Variants in CDH9 observed in about 807,000 individuals in gnomAD.
The protein encoded by CDH9 is cadherin-9.
A neutral mutation model predicts 70.9 loss-of-function variants in CDH9; 28 were observed. The ratio of observed to expected loss-of-function variants is 0.40; its 90% CI spans 0.29 to 0.54. The LOEUF is 0.54. CDH9 is among the 20% of genes least tolerant of loss of function. The pLI is 0.59. For synonymous variants in CDH9, 409 were observed against 343.1 expected (o/e 1.19, Z -2.12); for missense variants, 874 against 984.4 (o/e 0.89, Z 1.50).
chr5:27,037,621 G>A (rs545168138), intron 1 of CDH9, among the ~76,000 whole-genome samples: 1 of 151,870 alleles, frequency 6.6e-6, no homozygotes, highest in Non-Finnish European at 1.5e-5. Context: ...GATGTGAATG[G>A]TGATCTTGAG....
chr5:26,898,116 G>A (rs1740784618), intron 7 of CDH9, among the ~76,000 whole-genome samples: 1 of 152,022 alleles, frequency 6.6e-6, no homozygotes. Flanking sequence ...AAGCTTACAA[G>A]GGATGTGAAG....
At chr5:27,015,255 G>C (rs369808487) in intron 1 of CDH9, among the ~76,000 whole-genome samples, 1 of 151,642 alleles carries the variant, frequency 6.6e-6, no homozygotes, top group Non-Finnish European at 1.5e-5. Context: ...AATACCCAAG[G>C]AGGGTATTAT....
At chr5:26,981,151 A>G (rs775189056) in intron 2 of CDH9, among the ~76,000 whole-genome samples, 17 of 152,072 alleles carry the variant, frequency 1.1e-4, no homozygotes, top group Non-Finnish European at 2.2e-4. Flanking sequence ...CAATTTTGAG[A>G]ATTCTCCCTC....
At chr5:26,996,930 T>C (rs886710319) in intron 1 of CDH9, among the ~76,000 whole-genome samples, 3 of 152,050 alleles carry the variant, frequency 2.0e-5, no homozygotes, top group African/African-American at 7.2e-5. Flanking sequence ...AAATATGAGC[T>C]GCCATCTTCA....
intron 2 of CDH9, among the ~76,000 whole-genome samples, chr5:26,926,920 C>CCCG (rs143507295): frequency 6.5e-4 from 94 of 143,598 alleles, no homozygotes; most frequent in Non-Finnish European, 1.0e-3. Flanking sequence ...AAATACAGCC[C>CCCG]CCCCCCGCAA....
At chr5:26,945,369 A>G (rs1041274453) in intron 2 of CDH9, among the ~76,000 whole-genome samples, 6 of 152,094 alleles carry the variant, frequency 3.9e-5, no homozygotes, top group African/African-American at 1.4e-4. Flanking sequence ...CATGCATATC[A>G]AAAAGGAAAC....
intron 2 of CDH9, among the ~76,000 whole-genome samples, chr5:26,962,678 T>A (rs1263506436): frequency 6.6e-6 from 1 of 152,152 alleles, no homozygotes; most frequent in Non-Finnish European, 1.5e-5. Context: ...TCTTACTGAC[T>A]CTCACTCTCA....
intron 1 of CDH9, among the ~76,000 whole-genome samples, chr5:27,019,325 AT>A (rs2112123417): frequency 6.6e-6 from 1 of 152,120 alleles, no homozygotes; most frequent in African/African-American, 2.4e-5. Flanking sequence ...AAATAATGAC[AT>A]TTTTGGATGT....
At chr5:26,988,046 T>G (rs1224281986) in intron 2 of CDH9, 60 bp downstream of exon 2, 39 of 1,260,234 alleles carry the variant, frequency 3.1e-5, no homozygotes, top group Non-Finnish European at 3.9e-5. Flanking sequence ...GAAAAGTTGC[T>G]GGAAAAAAAT....
chr5:27,009,944 G>T (rs1742928996), intron 1 of CDH9, among the ~76,000 whole-genome samples: 1 of 151,968 alleles, frequency 6.6e-6, no homozygotes, highest in Non-Finnish European at 1.5e-5. Flanking sequence ...AGCTTTGTTA[G>T]GTGAGACACA....
intron 1 of CDH9, among the ~76,000 whole-genome samples, chr5:27,021,292 C>T (rs1311453398): frequency 1.3e-5 from 2 of 151,658 alleles, no homozygotes; most frequent in Non-Finnish European, 2.9e-5. Context: ...TTGACGTTGA[C>T]TTATTAATGA....
At chr5:26,922,866 G>A (rs1311062893) in intron 2 of CDH9, among the ~76,000 whole-genome samples, 1 of 151,412 alleles carries the variant, frequency 6.6e-6, no homozygotes, top group East Asian at 1.9e-4. Flanking sequence ...TTAAAATGTA[G>A]AGTTTTTATT....
intron 1 of CDH9, among the ~76,000 whole-genome samples, chr5:26,998,553 G>A (rs1225049969): frequency 6.6e-6 from 1 of 151,994 alleles, no homozygotes; most frequent in Non-Finnish European, 1.5e-5. Context: ...ACACAGGAAG[G>A]GGAACATCAC....
chr5:26,914,007 A>G (rs1741101576), intron 3 of CDH9, among the ~76,000 whole-genome samples: 1 of 152,016 alleles, frequency 6.6e-6, no homozygotes, highest in Non-Finnish European at 1.5e-5. Context: ...TGATAGGGAA[A>G]TACTTGTTTT....
intron 7 of CDH9, among the ~76,000 whole-genome samples, chr5:26,895,474 TC>T (rs897070683): frequency 1.3e-5 from 2 of 152,040 alleles, no homozygotes; most frequent in Non-Finnish European, 2.9e-5. Context: ...CATAATTAAA[TC>T]CCTCACCAGA....
intron 11 of CDH9, among the ~76,000 whole-genome samples, chr5:26,882,919 G>A (rs192974665): frequency 6.6e-6 from 1 of 150,936 alleles, no homozygotes; most frequent in East Asian, 2.0e-4. Flanking sequence ...TTTCACATTG[G>A]CCAGCAGACT....
chr5:26,978,290 T>C (rs1742338900), intron 2 of CDH9, among the ~76,000 whole-genome samples: 1 of 151,842 alleles, frequency 6.6e-6, no homozygotes, highest in Non-Finnish European at 1.5e-5. Flanking sequence ...TTATAGAGAA[T>C]ACTAAAATAA....
intron 2 of CDH9, among the ~76,000 whole-genome samples, chr5:26,935,499 A>T: frequency 6.6e-6 from 1 of 152,174 alleles, no homozygotes; most frequent in African/African-American, 2.4e-5. Flanking sequence ...CAAAGTATCC[A>T]AAAAAACAAA....
intron 7 of CDH9, among the ~76,000 whole-genome samples, chr5:26,896,696 A>C (rs1740757798): frequency 5.3e-5 from 8 of 152,012 alleles, no homozygotes; most frequent in Admixed American, 5.2e-4. Context: ...TATAGCACTA[A>C]ATGCCCACAG....
Sources: gnomAD v4.1 joint callset for allele counts (sites outside exome capture counted in the v4.1 genomes callset) on GRCh38, gnomAD v4.1.1 for gene constraint, MANE v1.5 for transcripts, NCBI Gene and HGNC (gene_info 2026-07-23, HGNC 2026-07-21) for gene names.